The following ADD2 variants were observed in gnomAD, a reference collection of about 807,000 sequenced individuals.
ADD2 encodes beta-adducin.
In ADD2, 23 loss-of-function variants were observed where a neutral mutation model predicts 83.0. The observed-to-expected ratio is 0.28, with a 90% confidence interval of 0.20 to 0.39. The LOEUF (loss-of-function observed/expected upper bound fraction) is 0.39, where lower values mean the gene tolerates loss of function less well. Among genes scored for constraint, ADD2 ranks in the 10% least tolerant of loss-of-function variants. ADD2 has a pLI of 1.00. For synonymous variants in ADD2, 375 were observed against 375.4 expected, an observed-to-expected ratio of 1.00 and a Z score of 0.01; for missense variants, 758 against 944.9, an observed-to-expected ratio of 0.80 and a Z score of 2.59.
intron 10 of ADD2, among the ~76,000 whole-genome samples, chr2:70,679,613 T>A (rs1670357515): frequency 6.6e-6 from 1 of 152,182 alleles, no homozygotes; most frequent in Non-Finnish European, 1.5e-5. Flanking sequence ...GCTCTCTTTG[T>A]CTTCTTTTAT....
At position 70,747,261 on chromosome 2, in the gene ADD2, C is replaced by T. The variant is rs149894984; in HGVS notation, c.-154+20625G>A. ...TCCTGACCTCAAGATCCACCTGTCTCGGCCTCCCAAACTGCTGGGATTACA... is the reference window on the plus strand; with the variant it reads ...TCCTGACCTCAAGATCCACCTGTCTTGGCCTCCCAAACTGCTGGGATTACA... On this transcript the variant is annotated intron_variant, in intron 1 of 15. Transcript: ENST00000264436. 5.0e-3 allele frequency among the ~76,000 whole-genome samples: 764 copies of T among 152,232 alleles called. 3 individuals are homozygous for T. The highest frequency in any genetic ancestry group is 0.04 in the East Asian group (208 of 5,166).
At chr2:70,717,700 C>T (rs1396394789) in intron 1 of ADD2, 1 of 152,256 alleles carries the variant, frequency 6.6e-6, no homozygotes, top group Non-Finnish European at 1.5e-5. Flanking sequence ...AAATGAGACT[C>T]CCACAAGTGA....
intron 3 of ADD2, among the ~76,000 whole-genome samples, chr2:70,704,902 A>T (rs1185020361): frequency 6.6e-6 from 1 of 152,312 alleles, no homozygotes; most frequent in East Asian, 1.9e-4. Flanking sequence ...AGGAGGAAGA[A>T]CAGGAAGATT....
At chr2:70,700,736 T>C (rs4852224) in intron 4 of ADD2, among the ~76,000 whole-genome samples, 44,723 of 151,950 alleles carry the variant, frequency 0.29, 7,017 homozygotes, top group East Asian at 0.44. Context: ...GCACCAGGAA[T>C]GAGAATGGGA....
intron 1 of ADD2, chr2:70,717,867 T>A (rs1672554159): frequency 6.6e-6 from 1 of 152,260 alleles, no homozygotes; most frequent in Admixed American, 6.5e-5. Context: ...ATCATCATTT[T>A]TTCAAATGCT....
At chr2:70,715,028 T>C (rs1000469573) in intron 1 of ADD2, among the ~76,000 whole-genome samples, 2 of 152,178 alleles carry the variant, frequency 1.3e-5, no homozygotes, top group Non-Finnish European at 2.9e-5. Context: ...GCACCATTCC[T>C]TGGGTTATGG....
At chr2:70,718,374 G>A (rs1186798678) in intron 1 of ADD2, among the ~76,000 whole-genome samples, 4 of 152,148 alleles carry the variant, frequency 2.6e-5, no homozygotes, top group Admixed American at 1.3e-4. Flanking sequence ...CCTGCTAGAG[G>A]CCCACAGTCA....
At chr2:70,755,624 T>C (rs984353350) in intron 1 of ADD2, among the ~76,000 whole-genome samples, 4 of 152,184 alleles carry the variant, frequency 2.6e-5, no homozygotes, top group African/African-American at 9.6e-5. Flanking sequence ...TTACCTACCA[T>C]TGTGACCAAT....
chr2:70,691,646 C>T (rs184335902), intron 7 of ADD2: 3 of 152,202 alleles, frequency 2.0e-5, no homozygotes, highest in Admixed American at 2.0e-4. Context: ...CCTTGCCCTC[C>T]TTCATTCATT....
intron 1 of ADD2, among the ~76,000 whole-genome samples, chr2:70,765,474 CATTT>C (rs1675335285): frequency 1.3e-5 from 2 of 152,126 alleles, no homozygotes; most frequent in South Asian, 2.1e-4. Flanking sequence ...ATTATATATT[CATTT>C]GAGAGATTTC....
At chr2:70,665,249 T>C (rs1675738266) in intron 15 of ADD2, among the ~76,000 whole-genome samples, 1 of 152,058 alleles carries the variant, frequency 6.6e-6, no homozygotes, top group African/African-American at 2.4e-5. Flanking sequence ...TGTGGACAGT[T>C]AAAGTGGACT....
intron 15 of ADD2, among the ~76,000 whole-genome samples, chr2:70,668,738 T>A (rs1339949644): frequency 6.6e-6 from 1 of 152,146 alleles, no homozygotes; most frequent in Admixed American, 6.5e-5. Flanking sequence ...CTTGCATAAT[T>A]GAAGGAGCAA....
intron 1 of ADD2, among the ~76,000 whole-genome samples, chr2:70,725,936 G>A (rs1353652187): frequency 1.3e-5 from 2 of 152,054 alleles, no homozygotes; most frequent in Non-Finnish European, 2.9e-5. Context: ...GTTTAAGAAT[G>A]TATTGTCTTG....
At chr2:70,742,774 G>A (rs1295491028) in intron 1 of ADD2, among the ~76,000 whole-genome samples, 3 of 152,178 alleles carry the variant, frequency 2.0e-5, no homozygotes, top group Admixed American at 6.5e-5. Flanking sequence ...TGGCAAAAGA[G>A]TTCTATGTTC....
At chr2:70,712,109 A>G (rs1372556775) in intron 2 of ADD2, among the ~76,000 whole-genome samples, 1 of 152,168 alleles carries the variant, frequency 6.6e-6, no homozygotes, top group Admixed American at 6.6e-5. Context: ...CCCCAGGACC[A>G]ATCTATGAGG....
intron 1 of ADD2, among the ~76,000 whole-genome samples, chr2:70,721,261 T>G (rs1307722507): frequency 1.3e-5 from 2 of 152,224 alleles, no homozygotes; most frequent in African/African-American, 4.8e-5. Context: ...TTCAGCAAAA[T>G]TCACATGGAT....
At chr2:70,725,445 G>A (rs986373155) in intron 1 of ADD2, among the ~76,000 whole-genome samples, 2 of 152,132 alleles carry the variant, frequency 1.3e-5, no homozygotes, top group Non-Finnish European at 2.9e-5. Flanking sequence ...CTAACTCCCA[G>A]AGCCTGTGAA....
In ADD2 at chr2:70,683,669, C is replaced by T; in HGVS notation, c.1047G>A (p.Gly349=). The T allele has an allele frequency of 2.5e-6, 4 of 1,614,182 alleles. No individual in the cohort carries two copies. Among genetic ancestry groups the T allele is most frequent in the Non-Finnish European group, 3.4e-6 (4 of 1,180,020 alleles). The change falls in exon 10 of 16, where the codon GGG becomes GGA. Residue 349 remains glycine (G), a synonymous_variant. Coordinates refer to ENST00000264436, the MANE Select transcript of ADD2 (RefSeq NM_001617.4). The part of the protein sequence containing the change: ...PHEVGSVQWA[G]STFGPMQKSR... ...TCTTCTGCATAGGCCCAAAGGTGCT[C>T]CCGGCCCACTGCACGGAGCCCACCT...
At chr2:70,758,370 G>T (rs1166323983) in intron 1 of ADD2, among the ~76,000 whole-genome samples, 2 of 145,114 alleles carry the variant, frequency 1.4e-5, no homozygotes, top group Admixed American at 1.4e-4. Context: ...CTTTCTAAAA[G>T]AACTAACTGG....
Sources: allele counts gnomAD v4.1 joint callset (sites outside exome capture counted in the v4.1 genomes callset), GRCh38; gene constraint gnomAD v4.1.1; transcripts MANE v1.5; gene names NCBI Gene and HGNC (gene_info 2026-07-23, HGNC 2026-07-21).